The following PARD3B variants were observed in gnomAD, a reference collection of about 807,000 sequenced individuals.
PARD3B encodes par-3 family cell polarity regulator beta, also known as partitioning defective 3 homolog B.
Under a neutral mutation model 130.2 loss-of-function variants are expected in PARD3B, and 103 were observed. That is an observed-to-expected ratio of 0.79 (90% CI 0.67 to 0.93). The LOEUF (loss-of-function observed/expected upper bound fraction) is 0.93, where lower values mean the gene tolerates loss of function less well. Ranked by LOEUF, PARD3B falls within the 40% of genes least tolerant of loss-of-function variation. The pLI is 0.00. For synonymous variants in PARD3B, 583 were observed against 553.2 expected (o/e 1.05, Z -0.76); for missense variants, 1,609 against 1,499.2 (o/e 1.07, Z -1.21).
chr2:205,136,261 T>C, intron 10 of PARD3B, among the ~76,000 whole-genome samples: 1 of 152,238 alleles, frequency 6.6e-6, no homozygotes, highest in Non-Finnish European at 1.5e-5. Flanking sequence ...TTCTTGCTTC[T>C]GACCTCCCAT....
intron 14 of PARD3B, among the ~76,000 whole-genome samples, chr2:205,189,432 T>C (rs113981705): frequency 2.0e-5 from 3 of 152,346 alleles, no homozygotes; most frequent in Non-Finnish European, 4.4e-5. Context: ...AATTTGACGT[T>C]GAGTATCGTT....
chr2:204,596,974 T>A (rs1026492204), intron 1 of PARD3B, among the ~76,000 whole-genome samples: 11 of 151,186 alleles, frequency 7.3e-5, no homozygotes, highest in East Asian at 1.9e-4. Context: ...ATATATATAT[T>A]ATATATAATT....
At position 205,078,928 on chromosome 2, in the gene PARD3B, C is replaced by G. The variant is rs1701232216; in HGVS notation, c.505-25498C>G. On this transcript the variant is annotated intron_variant, in intron 4 of 22. Transcript: ENST00000406610. The surrounding 1 kb of genome is among the most constrained non-coding windows in gnomAD (Gnocchi z 4.0). ...CTTCCAGCTCGCATCAATGGCCAGC[C>G]ACGTAAGTGAGCCGTCATGGATGCC... Among the ~76,000 whole-genome samples the G allele has an allele frequency of 6.6e-6, 1 of 152,204 alleles. No individual in the cohort carries two copies. The highest frequency in any genetic ancestry group is 2.1e-4 in the South Asian group (1 of 4,830).
chr2:205,431,250 T>C (rs1215676465), intron 19 of PARD3B, among the ~76,000 whole-genome samples: 1 of 152,026 alleles, frequency 6.6e-6, no homozygotes, highest in African/African-American at 2.4e-5. Context: ...CTAATTGTTG[T>C]GTTTTTAGTA....
At chr2:205,147,544 G>C (rs1262790488) in intron 10 of PARD3B, among the ~76,000 whole-genome samples, 1 of 152,112 alleles carries the variant, frequency 6.6e-6, no homozygotes, top group Non-Finnish European at 1.5e-5. Flanking sequence ...TTGGTAAGTT[G>C]AGTCAGAGAT....
chr2:204,956,098 C>T (rs1024496161), intron 2 of PARD3B, among the ~76,000 whole-genome samples: 2 of 152,210 alleles, frequency 1.3e-5, no homozygotes, highest in Admixed American at 6.5e-5. Flanking sequence ...CCTTGCCATG[C>T]TCTTTGGGCT....
rs760248686 is a variant in PARD3B, at chr2:205,300,626, A to T, written c.2282A>T (p.Asp761Val). The T allele has an allele frequency of 3.7e-5, 60 of 1,613,760 alleles. 1 individual carries two copies. In the South Asian group the frequency reaches 5.9e-4, roughly 16 times the overall value. ...QTAVAEVRKNDLPFHRPRPHM... is the reference protein window; with the variant it reads ...QTAVAEVRKNVLPFHRPRPHM... Reference sequence around the variant, plus strand: ...GCAGTGGCCGAGGTCAGGAAGAATGACCTTCCCTTTCACAGGCCCCGGCCG... The same window carrying T: ...GCAGTGGCCGAGGTCAGGAAGAATGTCCTTCCCTTTCACAGGCCCCGGCCG... Residue 761 changes from aspartate (D) to valine (V), a missense_variant, in exon 17 of 23, where the codon GAC (aspartate) becomes GTC (valine). Transcript: ENST00000406610. This position sits in a 1 kb window ranked among gnomAD's most constrained non-coding sequence, Gnocchi z 4.1.
At chr2:204,581,058 A>G (rs924074940) in intron 1 of PARD3B, among the ~76,000 whole-genome samples, 1 of 152,228 alleles carries the variant, frequency 6.6e-6, no homozygotes, top group Non-Finnish European at 1.5e-5. Context: ...ATTCTAATGA[A>G]ATACAAGCCA....
chr2:205,467,010 A>G (rs562534378), intron 20 of PARD3B, among the ~76,000 whole-genome samples: 3 of 152,342 alleles, frequency 2.0e-5, no homozygotes, highest in African/African-American at 7.2e-5. Flanking sequence ...ACAACGCCCA[A>G]CCAGGCTTGG....
intron 19 of PARD3B, among the ~76,000 whole-genome samples, chr2:205,439,390 T>TTTACACTC (rs1337841124): frequency 6.6e-6 from 1 of 152,102 alleles, no homozygotes; most frequent in African/African-American, 2.4e-5. Flanking sequence ...AGTGACAAGG[T>TTTACACTC]TTACACTCTT....
chr2:205,497,916 C>T (rs967184378), intron 20 of PARD3B, among the ~76,000 whole-genome samples: 1 of 151,806 alleles, frequency 6.6e-6, no homozygotes, highest in African/African-American at 2.4e-5. Flanking sequence ...ATGGCTCATG[C>T]CTGTAATCCT....
At chr2:204,871,508 A>C (rs1370296362) in intron 2 of PARD3B, among the ~76,000 whole-genome samples, 1 of 152,144 alleles carries the variant, frequency 6.6e-6, no homozygotes, top group African/African-American at 2.4e-5. Context: ...AAAAAGTTCA[A>C]TTCTAATCCC....
intron 2 of PARD3B, among the ~76,000 whole-genome samples, chr2:204,893,615 T>G (rs1380072316): frequency 6.6e-6 from 1 of 152,210 alleles, no homozygotes; most frequent in Non-Finnish European, 1.5e-5. Flanking sequence ...TTTAATAGCA[T>G]AGTTTATTTA....
chr2:205,368,459 C>T lies in PARD3B; in HGVS notation c.2631-32554C>T, dbSNP rs13398527. ...ACCAGCCTGGCCAAGATGGTGAAAC[C>T]TCATCTCTACTAAAAATACAAAATT... On this transcript the variant is annotated intron_variant, in intron 18 of 22. Coordinates refer to ENST00000406610, the MANE Select transcript of PARD3B (RefSeq NM_001302769.2). 9.2e-5 allele frequency among the ~76,000 whole-genome samples: 14 copies of T among 152,112 alleles called. No individual in the cohort carries two copies. The South Asian group carries it at 2.5e-3, about 27-fold the overall frequency.
intron 1 of PARD3B, among the ~76,000 whole-genome samples, chr2:204,595,500 G>A (rs1461859625): frequency 6.6e-6 from 1 of 152,232 alleles, no homozygotes; most frequent in Non-Finnish European, 1.5e-5. Context: ...GTCTGTGTTT[G>A]TAGAATGCTG....
chr2:205,156,677 G>C (rs1167020052), intron 10 of PARD3B, among the ~76,000 whole-genome samples: 1 of 152,100 alleles, frequency 6.6e-6, no homozygotes, highest in Non-Finnish European at 1.5e-5. Context: ...CTGTGGAATG[G>C]ACATGACAAT....
intron 1 of PARD3B, among the ~76,000 whole-genome samples, chr2:204,550,605 C>T (rs141563719): frequency 5.3e-5 from 8 of 152,240 alleles, no homozygotes; most frequent in East Asian, 3.9e-4. Context: ...GCTCTGACTG[C>T]GTATGTGAGT....
chr2:204,688,361 C>T (rs750825360), intron 2 of PARD3B, among the ~76,000 whole-genome samples: 2 of 151,988 alleles, frequency 1.3e-5, no homozygotes, highest in African/African-American at 2.4e-5. Flanking sequence ...GGGTGGATCA[C>T]GAGGTCAGGA....
At chr2:205,361,756 A>T (rs1261298346) in intron 18 of PARD3B, among the ~76,000 whole-genome samples, 1 of 152,172 alleles carries the variant, frequency 6.6e-6, no homozygotes, top group Non-Finnish European at 1.5e-5. Context: ...ACTTGGCCAC[A>T]TAGGATCAGT....
Sources: allele counts gnomAD v4.1 joint callset (sites outside exome capture counted in the v4.1 genomes callset), GRCh38; gene constraint gnomAD v4.1.1; non-coding constraint Gnocchi (gnomAD v3.1); transcripts MANE v1.5; gene names NCBI Gene and HGNC (gene_info 2026-07-23, HGNC 2026-07-21).